Variants in SYNPR observed in about 807,000 individuals in gnomAD.
The protein encoded by SYNPR is synaptoporin.
In SYNPR, 23 loss-of-function variants were observed where a neutral mutation model predicts 32.9. The observed-to-expected ratio is 0.70, with a 90% CI of 0.50 to 0.99. The LOEUF is 0.99. Ranked by LOEUF, SYNPR falls within the 50% of genes least tolerant of loss-of-function variation. The pLI is 0.00. For missense variants in SYNPR, 318 were observed against 349.3 expected (o/e 0.91, Z 0.71); for synonymous variants, 146 against 135.9 (o/e 1.07, Z -0.52).
chr3:63,547,270 T>C (rs1472947339), intron 3 of SYNPR, among the ~76,000 whole-genome samples: 2 of 152,132 alleles, frequency 1.3e-5, no homozygotes, highest in African/African-American at 4.8e-5. Flanking sequence ...CTTTGCAAAC[T>C]GAAGACATCA....
chr3:63,222,396 T>C, the SYNPR span, among the ~76,000 whole-genome samples: 1 of 152,224 alleles, frequency 6.6e-6, no homozygotes, highest in African/African-American at 2.4e-5. Context: ...ATTATTTTTA[T>C]CTTTTAAAAC....
intron 3 of SYNPR, among the ~76,000 whole-genome samples, chr3:63,522,807 G>A (rs1465657120): frequency 2.0e-5 from 3 of 152,164 alleles, no homozygotes; most frequent in African/African-American, 7.2e-5. Context: ...GGGGTCCAGG[G>A]GAGGTCTGAG....
At chr3:63,569,479 A>T (rs4130621) in intron 4 of SYNPR, among the ~76,000 whole-genome samples, 50,938 of 152,126 alleles carry the variant, frequency 0.33, 8,963 homozygotes, top group South Asian at 0.47. Context: ...TTCTTCCCAG[A>T]GAATAAAAAA....
intron 3 of SYNPR, among the ~76,000 whole-genome samples, chr3:63,502,634 T>C (rs1324470010): frequency 6.6e-6 from 1 of 152,200 alleles, no homozygotes; most frequent in East Asian, 1.9e-4. Context: ...TGGCATATAG[T>C]TGAAGTCATA....
rs2086430484 is a variant in SYNPR, at chr3:63,260,706, C to A, written n.155-6611C>A. Among the ~76,000 whole-genome samples, 4 of 151,908 alleles carry A rather than the reference C, an allele frequency of 2.6e-5. 1 individual carries two copies. The South Asian group carries it at 6.3e-4, about 24-fold the overall frequency. On this transcript the variant is annotated intron_variant and non_coding_transcript_variant, in intron 2 of 4. Transcript: ENST00000478456. ...ACACCAAAAGCAATGGCAACAAAAGCCAAAATTGACAAATGGGATCTAATT... is the reference window on the plus strand; with the variant it reads ...ACACCAAAAGCAATGGCAACAAAAGACAAAATTGACAAATGGGATCTAATT...
chr3:63,398,172 C>T (rs901932454), intron 2 of SYNPR, among the ~76,000 whole-genome samples: 9 of 152,154 alleles, frequency 5.9e-5, no homozygotes, highest in Non-Finnish European at 8.8e-5. Context: ...TAAATGAAGT[C>T]AACTCCTAAA....
intron 3 of SYNPR, among the ~76,000 whole-genome samples, chr3:63,535,754 C>T (rs1409248962): frequency 6.6e-6 from 1 of 151,406 alleles, no homozygotes; most frequent in African/African-American, 2.4e-5. Context: ...ATGAAGTTGG[C>T]GCCCTACCTC....
intron 2 of SYNPR, among the ~76,000 whole-genome samples, chr3:63,415,579 G>A (rs1208502409): frequency 6.6e-6 from 1 of 152,178 alleles, no homozygotes. Context: ...AGCCATTGTA[G>A]CACAAAAGCA....
At chr3:63,519,711 T>C (rs1370005428) in intron 3 of SYNPR, among the ~76,000 whole-genome samples, 2 of 152,226 alleles carry the variant, frequency 1.3e-5, no homozygotes, top group Admixed American at 1.3e-4. Flanking sequence ...TTACATCTAT[T>C]CCCCAAACCT....
At chr3:63,233,414 A>G (rs1402104793) in intron 1 of SYNPR, among the ~76,000 whole-genome samples, 1 of 152,236 alleles carries the variant, frequency 6.6e-6, no homozygotes, top group Non-Finnish European at 1.5e-5. Context: ...GTTCCTTAGC[A>G]TGGCACACAA....
At chr3:63,541,715 C>T (rs942615360) in intron 3 of SYNPR, among the ~76,000 whole-genome samples, 2 of 152,092 alleles carry the variant, frequency 1.3e-5, no homozygotes, top group Non-Finnish European at 2.9e-5. Flanking sequence ...TGAATATTGG[C>T]ATAGGCTGCC....
chr3:63,526,418 T>A (rs1372743117), intron 3 of SYNPR, among the ~76,000 whole-genome samples: 1 of 152,202 alleles, frequency 6.6e-6, no homozygotes, highest in Non-Finnish European at 1.5e-5. Context: ...CAAAGAGAAC[T>A]GGGATCATTT....
At chr3:63,477,626 G>A (rs1348114235) in intron 2 of SYNPR, among the ~76,000 whole-genome samples, 1 of 152,138 alleles carries the variant, frequency 6.6e-6, no homozygotes, top group Non-Finnish European at 1.5e-5. Context: ...TAAGCAGCTG[G>A]CTCCCATGCA....
chr3:63,445,769 G>A (rs1330876090), intron 2 of SYNPR, among the ~76,000 whole-genome samples: 1 of 152,134 alleles, frequency 6.6e-6, no homozygotes, highest in East Asian at 1.9e-4. Flanking sequence ...AACCAGGCAG[G>A]CTCATTCCAG....
chr3:63,241,615 G>A (rs2086243578), intron 1 of SYNPR, among the ~76,000 whole-genome samples: 1 of 151,862 alleles, frequency 6.6e-6, no homozygotes, highest in Non-Finnish European at 1.5e-5. Flanking sequence ...CCTATATCTT[G>A]ATATACATTA....
chr3:63,376,940 CA>C (rs2087903093), intron 2 of SYNPR, among the ~76,000 whole-genome samples: 1 of 152,044 alleles, frequency 6.6e-6, no homozygotes, highest in African/African-American at 2.4e-5. Context: ...TGGTGCATAA[CA>C]AAACCTTAAA....
At chr3:63,448,705 T>C (rs1030376316) in intron 2 of SYNPR, among the ~76,000 whole-genome samples, 2 of 152,176 alleles carry the variant, frequency 1.3e-5, no homozygotes, top group East Asian at 3.9e-4. Context: ...ATGCCTACCA[T>C]GTGCCAGGCA....
intron 2 of SYNPR, among the ~76,000 whole-genome samples, chr3:63,408,329 AAAG>A (rs1201461327): frequency 1.5e-5 from 2 of 135,198 alleles, no homozygotes; most frequent in African/African-American, 6.1e-5. Flanking sequence ...GGAAAGAAAG[AAAG>A]AAAGAAAGAA....
intron 2 of SYNPR, among the ~76,000 whole-genome samples, chr3:63,457,795 G>C (rs1435921540): frequency 6.6e-6 from 1 of 152,008 alleles, no homozygotes; most frequent in Non-Finnish European, 1.5e-5. Flanking sequence ...GTCCAGGAAG[G>C]GAGAAGACCC....
Sources: gnomAD v4.1 joint callset for allele counts (sites outside exome capture counted in the v4.1 genomes callset) on GRCh38, gnomAD v4.1.1 for gene constraint, MANE v1.5 for transcripts, NCBI Gene and HGNC (gene_info 2026-07-23, HGNC 2026-07-21) for gene names.